The following MAST4 variants were observed in gnomAD, a reference collection of about 807,000 sequenced individuals.
MAST4 encodes the protein microtubule associated serine/threonine kinase family member 4.
A neutral mutation model predicts 162.7 loss-of-function variants in MAST4; 89 were observed. The observed-to-expected ratio is 0.55, with a 90% CI of 0.46 to 0.65. The LOEUF (loss-of-function observed/expected upper bound fraction) is 0.65, where lower values mean the gene tolerates loss of function less well. Among genes scored for constraint, MAST4 ranks in the 30% least tolerant of loss-of-function variants. MAST4 has a pLI of 0.00. For missense variants in MAST4, 3,153 were observed against 3,374.0 expected (o/e 0.93, Z 1.62); for synonymous variants, 1,479 against 1,361.1 (o/e 1.09, Z -1.91).
chr5:66,657,159 A>G (rs1363661703), intron 1 of MAST4, among the ~76,000 whole-genome samples: 2 of 152,244 alleles, frequency 1.3e-5, no homozygotes, highest in Non-Finnish European at 2.9e-5. Context: ...TCAGCTGAAT[A>G]AATCATCTGT....
At chr5:66,935,933 G>A (rs1204437207) in intron 4 of MAST4, among the ~76,000 whole-genome samples, 1 of 152,124 alleles carries the variant, frequency 6.6e-6, no homozygotes, top group Non-Finnish European at 1.5e-5. Context: ...CTCCCAAAGT[G>A]CTGGGATTAC....
intron 4 of MAST4, among the ~76,000 whole-genome samples, chr5:66,909,707 G>T (rs996759147): frequency 1.3e-5 from 2 of 152,158 alleles, no homozygotes; most frequent in Admixed American, 1.3e-4. Context: ...ACAAGGGAGT[G>T]GGTACTGATA....
intron 5 of MAST4, among the ~76,000 whole-genome samples, chr5:67,070,525 C>T (rs1215998229): frequency 6.6e-6 from 1 of 152,124 alleles, no homozygotes; most frequent in Non-Finnish European, 1.5e-5. Context: ...AGTTGCTGAC[C>T]TTTATTTACT....
intron 1 of MAST4, among the ~76,000 whole-genome samples, chr5:66,746,792 A>G (rs1752785655): frequency 6.6e-6 from 1 of 152,218 alleles, no homozygotes; most frequent in Non-Finnish European, 1.5e-5. Context: ...CTAGAATATT[A>G]AAGTGACAGG....
chr5:66,747,164 T>A (rs1022875081), intron 1 of MAST4, among the ~76,000 whole-genome samples: 2 of 151,556 alleles, frequency 1.3e-5, no homozygotes, highest in African/African-American at 4.8e-5. Flanking sequence ...GGAATTGACT[T>A]TCTTGAAGTT....
At position 67,130,345 on chromosome 5, in the gene MAST4, C is replaced by T. The variant is rs908777391; in HGVS notation, c.1881C>T (p.Asn627=). 1.2e-6 allele frequency: 2 copies of T among 1,613,980 alleles called. No homozygotes were observed. Among genetic ancestry groups the T allele is most frequent in the African/African-American group, 2.7e-5 (2 of 75,030 alleles). The part of the protein sequence containing the change: ...VERDILTFAE[N]PFVVSMYCSF... ...GGGATATCCTGACTTTTGCAGAAAA[C>T]CCCTTTGTTGTCAGCATGTATTGCT... Residue 627 remains asparagine, a synonymous_variant, in exon 15 of 29, where the codon AAC becomes AAT. Transcript: ENST00000403625.
At chr5:66,994,957 T>C (rs1750464863) in intron 4 of MAST4, among the ~76,000 whole-genome samples, 1 of 152,188 alleles carries the variant, frequency 6.6e-6, no homozygotes, top group Admixed American at 6.5e-5. Context: ...TCAAAACTGT[T>C]CACATAAATG....
intron 3 of MAST4, among the ~76,000 whole-genome samples, chr5:66,867,451 A>AAAG (rs1760614091): frequency 6.6e-6 from 1 of 152,224 alleles, no homozygotes; most frequent in African/African-American, 2.4e-5. Context: ...ATTTATTTAA[A>AAAG]AAGTATGATC....
intron 4 of MAST4, among the ~76,000 whole-genome samples, chr5:66,944,249 C>T (rs1743713534): frequency 6.6e-6 from 1 of 152,076 alleles, no homozygotes; most frequent in African/African-American, 2.4e-5. Context: ...TCCTGAATTG[C>T]CTTATATGAT....
intron 4 of MAST4, among the ~76,000 whole-genome samples, chr5:66,994,425 C>A (rs183130300): frequency 6.6e-6 from 1 of 152,078 alleles, no homozygotes; most frequent in African/African-American, 2.4e-5. Context: ...TAATTCTGTA[C>A]GTACTTCATT....
chr5:67,089,057 A>G lies in MAST4; in HGVS notation c.764-1105A>G, dbSNP rs79923677. Among the ~76,000 whole-genome samples the G allele has an allele frequency of 5.2e-3, 798 of 152,328 alleles. 25 individuals carry two copies. In the East Asian group the frequency reaches 0.072, roughly 14 times the overall value. On this transcript the variant is annotated intron_variant, in intron 5 of 28. Coordinates refer to ENST00000403625, the MANE Select transcript of MAST4 (RefSeq NM_001164664.2). ...CTTGTCTTCCTTACACCCAATTACA[A>G]TAGTCACTTTCATTAAGAAACCAGT...
chr5:66,855,874 A>G (rs927921394), intron 3 of MAST4, among the ~76,000 whole-genome samples: 1 of 152,156 alleles, frequency 6.6e-6, no homozygotes, highest in Non-Finnish European at 1.5e-5. Context: ...TTGAGATGGG[A>G]TACTTGGCCA....
At chr5:66,703,896 C>G (rs1466665055) in intron 1 of MAST4, among the ~76,000 whole-genome samples, 5 of 152,150 alleles carry the variant, frequency 3.3e-5, no homozygotes, top group Non-Finnish European at 7.4e-5. Context: ...GAGTCACAAA[C>G]TTTTATAGGA....
intron 3 of MAST4, among the ~76,000 whole-genome samples, chr5:66,896,593 G>A (rs758424691): frequency 2.0e-5 from 3 of 152,202 alleles, no homozygotes; most frequent in Admixed American, 6.5e-5. Flanking sequence ...TAGAAAAGAA[G>A]CGTTCAGAGA....
At chr5:66,762,747 C>T (rs555077931) in intron 2 of MAST4, among the ~76,000 whole-genome samples, 1 of 152,232 alleles carries the variant, frequency 6.6e-6, no homozygotes, top group Non-Finnish European at 1.5e-5. Flanking sequence ...TAACAACTGA[C>T]CACCTTCTCA....
rs2150115633 is a variant in MAST4 at position 66,945,647 on chromosome 5, G to A, written c.674+45665G>A. Among the ~76,000 whole-genome samples, 2 of 152,218 alleles carry A rather than the reference G, an allele frequency of 1.3e-5. 1 individual carries two copies. The highest frequency in any genetic ancestry group is 4.8e-5 in the African/African-American group (2 of 41,532). ...TCTGTGTCTGCTGGAGGTAGGTGAAGGCACTGGCTGCATCCACTCTGATTT... is the reference window on the plus strand; with the variant it reads ...TCTGTGTCTGCTGGAGGTAGGTGAAAGCACTGGCTGCATCCACTCTGATTT... On this transcript the variant is annotated intron_variant, in intron 4 of 28. Coordinates refer to ENST00000403625, the MANE Select transcript of MAST4 (RefSeq NM_001164664.2).
chr5:66,668,529 T>C (rs1425611046), intron 1 of MAST4, among the ~76,000 whole-genome samples: 1 of 152,206 alleles, frequency 6.6e-6, no homozygotes, highest in Non-Finnish European at 1.5e-5. Flanking sequence ...TAGTGGGAAC[T>C]AAGCAGATTT....
intron 5 of MAST4, among the ~76,000 whole-genome samples, chr5:67,065,839 C>T (rs1040127416): frequency 7.2e-5 from 11 of 152,114 alleles, no homozygotes; most frequent in Non-Finnish European, 1.6e-4. Context: ...CTACAAAAGC[C>T]GTGTAAACTG....
Position 67,164,238 on chromosome 5 carries a change from G to T in MAST4, c.5059G>T (p.Asp1687Tyr), listed in dbSNP as rs748219166. The change falls in exon 29 of 29, where the codon GAT (aspartate) becomes TAT (tyrosine). Residue 1687 changes from aspartate (D) to tyrosine (Y), a missense_variant. Physicochemically the swap from Asp to Tyr is radical, Grantham distance 160. This residue lies in a region of MAST4 where 1,644 missense variants were observed against 1,495.0 expected (regional missense o/e 1.10). Transcript: ENST00000403625. This position sits in a 1 kb window ranked among gnomAD's most constrained non-coding sequence, Gnocchi z 5.3. ...EKLDSKLANI[D>Y]YLRKKMSLED... Reference sequence around the variant, plus strand: ...GTTAGACAGCAAGCTGGCCAACATCGATTACCTCCGAAAGAAAATGTCACT... The same window carrying T: ...GTTAGACAGCAAGCTGGCCAACATCTATTACCTCCGAAAGAAAATGTCACT... 1 of 1,613,894 alleles carries T rather than the reference G, an allele frequency of 6.2e-7. No individual in the cohort carries two copies. The highest frequency in any genetic ancestry group is 1.7e-5 in the Admixed American group (1 of 60,014).
Sources: allele counts gnomAD v4.1 joint callset (sites outside exome capture counted in the v4.1 genomes callset), GRCh38; gene constraint gnomAD v4.1.1; regional missense constraint gnomAD v4.1.1; non-coding constraint Gnocchi (gnomAD v3.1); transcripts MANE v1.5; gene names NCBI Gene and HGNC (gene_info 2026-07-23, HGNC 2026-07-21).